Variants in RIC3 observed in about 807,000 individuals in gnomAD.
RIC3 encodes the protein protein RIC-3.
Under a neutral mutation model 27.3 loss-of-function variants are expected in RIC3, and 28 were observed. That is an observed-to-expected ratio of 1.02 (90% CI 0.76 to 1.41). RIC3 has a LOEUF of 1.41. Ranked by LOEUF, RIC3 falls within the 40% of genes most tolerant of loss-of-function variation. The pLI is 0.00. For missense variants in RIC3, 501 were observed against 444.7 expected (o/e 1.13, Z -1.14); for synonymous variants, 184 against 160.4 (o/e 1.15, Z -1.11).
rs1367822896 is a variant in RIC3 at position 8,106,114 on chromosome 11, GTATT to G, written c.*4580_*4583del. The G allele has an allele frequency of 1.3e-5, 2 of 151,818 alleles. No homozygotes were observed. The highest frequency in any genetic ancestry group is 2.4e-5 in the African/African-American group (1 of 41,550). 9.4% of individuals were successfully genotyped at this position (151,818 alleles called of 1,614,324 possible). ...TAAACTTTGGTATTCTGGAGCAAAT[GTATT>G]TATTTATTGGTATGTGCAATGACAA... On this transcript the variant is annotated 3_prime_UTR_variant, in exon 6 of 6. Transcript: ENST00000309737.
chr11:8,100,903 C>G, the RIC3 span: 3 of 1,614,196 alleles, frequency 1.9e-6, no homozygotes, highest in Non-Finnish European at 2.5e-6. Flanking sequence ...AGACACCTGT[C>G]TGGAATGATG....
At chr11:8,168,272 T>C (rs937471067) in intron 1 of RIC3, among the ~76,000 whole-genome samples, 5 of 152,100 alleles carry the variant, frequency 3.3e-5, no homozygotes, top group African/African-American at 1.2e-4. Context: ...ATAAATACTG[T>C]TTCAATAAGG....
chr11:8,125,831 G>C (rs1475326127), intron 5 of RIC3, among the ~76,000 whole-genome samples: 1 of 152,158 alleles, frequency 6.6e-6, no homozygotes, highest in Non-Finnish European at 1.5e-5. Context: ...TTGAGGTCAG[G>C]AGTTTGAGAC....
the RIC3 span, chr11:8,100,390 CTT>C: frequency 1.8e-5 from 15 of 820,584 alleles, no homozygotes; most frequent in African/African-American, 6.7e-5. Flanking sequence ...GTGTGTTAGA[CTT>C]CGGAGTGGAG....
chr11:8,097,055 G>GGGCA, the RIC3 span, among the ~76,000 whole-genome samples: 4 of 152,132 alleles, frequency 2.6e-5, no homozygotes, highest in East Asian at 7.7e-4. Context: ...GAACTGTTGA[G>GGGCA]GGCAGGGCTG....
At chr11:8,142,410 A>C (rs1467715737) in intron 1 of RIC3, among the ~76,000 whole-genome samples, 1 of 150,846 alleles carries the variant, frequency 6.6e-6, no homozygotes, top group Non-Finnish European at 1.5e-5. Flanking sequence ...TCTACGCAAA[A>C]AAACTAGAAA....
chr11:8,132,587 T>C (rs1308498871), intron 4 of RIC3, among the ~76,000 whole-genome samples: 1 of 152,228 alleles, frequency 6.6e-6, no homozygotes, highest in East Asian at 1.9e-4. Context: ...CAGACCTACA[T>C]CCCTCACAAG....
At chr11:8,144,944 A>C (rs1181784996) in intron 1 of RIC3, among the ~76,000 whole-genome samples, 7 of 142,416 alleles carry the variant, frequency 4.9e-5, no homozygotes, top group African/African-American at 1.0e-4. Flanking sequence ...AAAACCAAAC[A>C]CCGCATATTC....
At chr11:8,162,015 G>A (rs1219279825) in intron 1 of RIC3, among the ~76,000 whole-genome samples, 2 of 135,256 alleles carry the variant, frequency 1.5e-5, no homozygotes, top group Non-Finnish European at 1.6e-5. Context: ...GGTAATGTCC[G>A]AAACTGTTGC....
the RIC3 span, chr11:8,100,805 C>T: frequency 2.0e-5 from 33 of 1,612,354 alleles, no homozygotes; most frequent in African/African-American, 3.9e-4. Flanking sequence ...GGGCCTGGCT[C>T]AGGTGAGGCT....
Position 8,149,938 on chromosome 11 carries a change from T to C in RIC3, c.125-9745A>G, listed in dbSNP as rs527945477. 5.3e-5 allele frequency among the ~76,000 whole-genome samples: 8 copies of C among 152,332 alleles called. No homozygotes were observed. In the South Asian group the frequency reaches 1.7e-3, roughly 32 times the overall value. ...AACCACAGAATGGTTCTGGCTGGTC[T>C]ACAGAGAATGTACAGTAAGGGCTTT... On this transcript the variant is annotated intron_variant, in intron 1 of 5. Transcript: ENST00000309737.
intron 1 of RIC3, among the ~76,000 whole-genome samples, chr11:8,149,087 G>A (rs1949993528): frequency 4.0e-5 from 6 of 151,500 alleles, no homozygotes; most frequent in South Asian, 2.1e-4. Flanking sequence ...CAGCTATTCG[G>A]GAGGCTGAGG....
At chr11:8,117,745 T>C (rs1467785435) in intron 5 of RIC3, among the ~76,000 whole-genome samples, 2 of 152,214 alleles carry the variant, frequency 1.3e-5, no homozygotes, top group Non-Finnish European at 2.9e-5. Flanking sequence ...GTATGTTAAA[T>C]AGCTTGATTT....
At position 8,107,696 on chromosome 11, in the gene RIC3, A is replaced by T. The variant is rs1944823601; in HGVS notation, c.*3002T>A. On this transcript the variant is annotated 3_prime_UTR_variant, in exon 6 of 6. Coordinates refer to ENST00000309737, the MANE Select transcript of RIC3 (RefSeq NM_001206671.4). ...AGCTTCTGGAGCTAGTCATGGAGAT[A>T]ATGGTTTCTTTGTGCTCCTGTTGTG... The T allele has an allele frequency of 1.3e-5, 2 of 152,184 alleles. No homozygotes were observed. The highest frequency in any genetic ancestry group is 4.1e-4 in the South Asian group (2 of 4,820). The allele number at this position is 152,184 out of a possible 1,614,324, so 9.4% of individuals were successfully genotyped here.
intron 1 of RIC3, among the ~76,000 whole-genome samples, chr11:8,164,564 C>T (rs982698675): frequency 6.6e-6 from 1 of 151,908 alleles, no homozygotes; most frequent in African/African-American, 2.4e-5. Context: ...TCACTTGAGG[C>T]CAGAAGTTCA....
intron 1 of RIC3, among the ~76,000 whole-genome samples, chr11:8,163,018 A>AACAC (rs59248468): frequency 0.12 from 16,114 of 135,904 alleles, 1,158 homozygotes; most frequent in East Asian, 0.28. Context: ...GGATTATTTA[A>AACAC]ACACACACAC....
chr11:8,159,600 T>A (rs992647657), intron 1 of RIC3, among the ~76,000 whole-genome samples: 1 of 152,184 alleles, frequency 6.6e-6, no homozygotes, highest in Non-Finnish European at 1.5e-5. Context: ...ACTGGTTGAA[T>A]GACCCTAAAC....
At chr11:8,163,813 T>G (rs1315290960) in intron 1 of RIC3, among the ~76,000 whole-genome samples, 1 of 50,534 alleles carries the variant, frequency 2.0e-5, no homozygotes, top group Non-Finnish European at 3.4e-5. Flanking sequence ...CAACTGGCAT[T>G]TTTTTTTTTT....
At chr11:8,144,159 A>C (rs1252128348) in intron 1 of RIC3, among the ~76,000 whole-genome samples, 2 of 152,214 alleles carry the variant, frequency 1.3e-5, no homozygotes, top group Non-Finnish European at 2.9e-5. Flanking sequence ...CGATGGCAAC[A>C]AAAGACAAAA....
Sources: gnomAD v4.1 joint callset for allele counts (sites outside exome capture counted in the v4.1 genomes callset) on GRCh38, gnomAD v4.1.1 for gene constraint, MANE v1.5 for transcripts, NCBI Gene and HGNC (gene_info 2026-07-23, HGNC 2026-07-21) for gene names.